MTUS2: variants seen among roughly 807,000 people sequenced by gnomAD.
The protein encoded by MTUS2 is microtubule-associated tumor suppressor candidate 2.
A neutral mutation model predicts 114.1 loss-of-function variants in MTUS2; 40 were observed. The ratio of observed to expected loss-of-function variants is 0.35; its 90% CI spans 0.27 to 0.46. MTUS2 has a LOEUF of 0.46. Ranked by LOEUF, MTUS2 falls within the 20% of genes least tolerant of loss-of-function variation. The probability of loss-of-function intolerance (pLI) is 1.00; values close to 1 mark genes in which losing one functional copy is unlikely to be tolerated. For synonymous variants in MTUS2, 688 were observed against 672.0 expected, an observed-to-expected ratio of 1.02 and a Z score of -0.37; for missense variants, 1,679 against 1,705.4, an observed-to-expected ratio of 0.98 and a Z score of 0.27.
At chr13:29,312,098 T>G (rs966021878) in intron 6 of MTUS2, among the ~76,000 whole-genome samples, 2 of 152,210 alleles carry the variant, frequency 1.3e-5, no homozygotes, top group South Asian at 4.1e-4. Flanking sequence ...TTGACAAGTC[T>G]CGCATACTTC....
rs868742309 is a variant in MTUS2, at chr13:28,905,660, A to G, written c.-243+65810A>G. Among the ~76,000 whole-genome samples the G allele has an allele frequency of 1.7e-3, 257 of 151,654 alleles. 3 individuals are homozygous for G. The highest frequency in any genetic ancestry group is 0.017 in the South Asian group (81 of 4,786). On this transcript the variant is annotated intron_variant, in intron 2 of 15. Transcript: ENST00000612955. ...GTGCTGCTGGATTCAGTTTGCCAGT[A>G]TTTTATTGAGGATTTTTGCATCAAT...
intron 9 of MTUS2, among the ~76,000 whole-genome samples, chr13:29,466,948 C>T (rs1374159728): frequency 6.7e-6 from 1 of 149,756 alleles, no homozygotes; most frequent in African/African-American, 2.5e-5. Flanking sequence ...ATATGCTTTG[C>T]ATTTGACAAC....
intron 2 of MTUS2, among the ~76,000 whole-genome samples, chr13:28,871,036 C>A (rs1340954205): frequency 6.6e-6 from 1 of 152,150 alleles, no homozygotes; most frequent in Non-Finnish European, 1.5e-5. Flanking sequence ...CATGGCCCCA[C>A]CTACATTAAT....
At chr13:28,861,089 A>G (rs754942553) in intron 2 of MTUS2, among the ~76,000 whole-genome samples, 1 of 152,158 alleles carries the variant, frequency 6.6e-6, no homozygotes, top group African/African-American at 2.4e-5. Context: ...CTTGCTGGAC[A>G]GTGTCTCTGT....
chr13:29,358,906 T>G (rs1869984021), intron 7 of MTUS2, among the ~76,000 whole-genome samples: 1 of 150,378 alleles, frequency 6.6e-6, no homozygotes, highest in African/African-American at 2.4e-5. Context: ...TCTATCTGGA[T>G]TGATTGATTA....
chr13:29,090,347 T>C (rs547050459), intron 4 of MTUS2, among the ~76,000 whole-genome samples: 12 of 152,222 alleles, frequency 7.9e-5, no homozygotes, highest in Non-Finnish European at 1.8e-4. Flanking sequence ...AACACTCTGA[T>C]GGGGGCTGCC....
Position 28,897,936 on chromosome 13 carries a change from A to T in MTUS2, c.-243+58086A>T, listed in dbSNP as rs559274146. 3.0e-4 allele frequency among the ~76,000 whole-genome samples: 46 copies of T among 151,472 alleles called. 1 individual carries two copies. Among genetic ancestry groups the T allele is most frequent in the East Asian group, 1.9e-3 (10 of 5,132 alleles). ...GAGGGGGGAGGGATGGCATTAGGAG[A>T]TATACCTAATGTTAAATGACGAGTT... On this transcript the variant is annotated intron_variant, in intron 2 of 15. Coordinates refer to ENST00000612955, the MANE Select transcript of MTUS2 (RefSeq NM_001033602.4).
intron 2 of MTUS2, among the ~76,000 whole-genome samples, chr13:28,868,599 C>G (rs9551552): frequency 6.6e-6 from 1 of 152,146 alleles, no homozygotes; most frequent in African/African-American, 2.4e-5. Context: ...GGAACCAGAT[C>G]TTCCTGGGAA....
chr13:29,121,334 A>G (rs1168812974), intron 5 of MTUS2, among the ~76,000 whole-genome samples: 2 of 152,152 alleles, frequency 1.3e-5, no homozygotes, highest in Non-Finnish European at 2.9e-5. Context: ...GGCAGAAACA[A>G]ACATGGATGA....
At chr13:29,371,716 C>A (rs968515274) in intron 8 of MTUS2, among the ~76,000 whole-genome samples, 4 of 152,076 alleles carry the variant, frequency 2.6e-5, no homozygotes, top group African/African-American at 9.7e-5. Flanking sequence ...CTAATTGTTT[C>A]AAAACACCTC....
At chr13:28,822,498 G>C (rs964023614) in intron 1 of MTUS2, among the ~76,000 whole-genome samples, 1 of 152,168 alleles carries the variant, frequency 6.6e-6, no homozygotes, top group East Asian at 1.9e-4. Flanking sequence ...TATGCTTAGC[G>C]ATTTTCTAGA....
At chr13:28,984,947 C>A (rs1884517035) in intron 2 of MTUS2, among the ~76,000 whole-genome samples, 1 of 152,216 alleles carries the variant, frequency 6.6e-6, no homozygotes, top group Non-Finnish European at 1.5e-5. Context: ...GATCTTTTGG[C>A]ATTCAGGATA....
chr13:29,200,938 C>A (rs1021690621), intron 5 of MTUS2, among the ~76,000 whole-genome samples: 7 of 152,064 alleles, frequency 4.6e-5, no homozygotes, highest in Non-Finnish European at 1.0e-4. Context: ...ATTAAGTAGT[C>A]AATTTTAGAA....
chr13:29,303,226 CAAAA>C (rs1899287544), intron 6 of MTUS2, among the ~76,000 whole-genome samples: 1 of 152,184 alleles, frequency 6.6e-6, no homozygotes, highest in African/African-American at 2.4e-5. Context: ...GCTGAAAACT[CAAAA>C]AGCCAGAGTG....
chr13:29,169,816 A>G (rs982641143), intron 5 of MTUS2, among the ~76,000 whole-genome samples: 12 of 152,166 alleles, frequency 7.9e-5, no homozygotes, highest in African/African-American at 2.7e-4. Flanking sequence ...CCACACCTAC[A>G]GGAGGTAAAG....
chr13:29,135,872 T>C (rs1253789977), intron 5 of MTUS2, among the ~76,000 whole-genome samples: 1 of 152,198 alleles, frequency 6.6e-6, no homozygotes, highest in East Asian at 1.9e-4. Flanking sequence ...TCTTTATTTG[T>C]TGTGTGTCCA....
At chr13:29,189,451 GCTAT>G (rs1894358531) in intron 5 of MTUS2, among the ~76,000 whole-genome samples, 1 of 151,768 alleles carries the variant, frequency 6.6e-6, no homozygotes, top group East Asian at 1.9e-4. Flanking sequence ...GGGCTGTAAA[GCTAT>G]CTTTGCTTTA....
chr13:28,832,218 T>C (rs1249477027), intron 1 of MTUS2, among the ~76,000 whole-genome samples: 3 of 152,188 alleles, frequency 2.0e-5, no homozygotes, highest in African/African-American at 7.2e-5. Flanking sequence ...GAATATACAT[T>C]GTTCTTAAAT....
intron 2 of MTUS2, among the ~76,000 whole-genome samples, chr13:28,944,101 T>G (rs538366647): frequency 2.1e-4 from 32 of 152,172 alleles, no homozygotes; most frequent in Non-Finnish European, 3.2e-4. Flanking sequence ...TTTTCTTTTT[T>G]TAATATATAA....
Sources: allele counts gnomAD v4.1 joint callset (sites outside exome capture counted in the v4.1 genomes callset), GRCh38; gene constraint gnomAD v4.1.1; transcripts MANE v1.5; gene names NCBI Gene and HGNC (gene_info 2026-07-23, HGNC 2026-07-21).